The following TAFA1 variants were observed in gnomAD, a reference collection of about 807,000 sequenced individuals.
The protein encoded by TAFA1 is chemokine-like protein TAFA-1.
A neutral mutation model predicts 18.5 loss-of-function variants in TAFA1; 4 were observed. The observed-to-expected ratio is 0.22, with a 90% confidence interval of 0.11 to 0.49. The LOEUF (loss-of-function observed/expected upper bound fraction) is 0.49. Among genes scored for constraint, TAFA1 ranks in the 20% least tolerant of loss-of-function variants. The pLI is 0.98. For missense variants in TAFA1, 147 were observed against 169.0 expected, an observed-to-expected ratio of 0.87 and a Z score of 0.72; for synonymous variants, 56 against 55.2, an observed-to-expected ratio of 1.01 and a Z score of -0.06.
chr3:68,381,981 G>C (rs1023417470), intron 2 of TAFA1, among the ~76,000 whole-genome samples: 1 of 152,154 alleles, frequency 6.6e-6, no homozygotes, highest in Non-Finnish European at 1.5e-5. Flanking sequence ...TTAGCATGAA[G>C]GGTTGTTGAC....
intron 3 of TAFA1, among the ~76,000 whole-genome samples, chr3:68,427,648 C>G (rs965525725): frequency 6.6e-6 from 1 of 151,636 alleles, no homozygotes; most frequent in Non-Finnish European, 1.5e-5. Flanking sequence ...TTTTTGAAAA[C>G]CTACCACCCC....
intron 2 of TAFA1, among the ~76,000 whole-genome samples, chr3:68,045,874 C>T (rs1017779716): frequency 1.3e-5 from 2 of 152,116 alleles, no homozygotes; most frequent in Non-Finnish European, 2.9e-5. Context: ...ACACTTTGTA[C>T]TTTCGAAAAG....
intron 3 of TAFA1, among the ~76,000 whole-genome samples, chr3:68,468,757 G>T (rs1372155244): frequency 1.3e-5 from 2 of 152,118 alleles, no homozygotes; most frequent in South Asian, 2.1e-4. Context: ...TGAGATTTTT[G>T]AGATTTATGG....
intron 2 of TAFA1, among the ~76,000 whole-genome samples, chr3:68,035,422 C>T (rs925385067): frequency 6.6e-6 from 1 of 152,126 alleles, no homozygotes; most frequent in African/African-American, 2.4e-5. Flanking sequence ...TTTAGTATAT[C>T]ATTAATACTA....
chr3:68,177,487 T>C (rs72626933), intron 2 of TAFA1, among the ~76,000 whole-genome samples: 5,882 of 152,244 alleles, frequency 0.039, 386 homozygotes, highest in East Asian at 0.34. Flanking sequence ...CTGAGACTTC[T>C]AGCTGTAGTA....
intron 2 of TAFA1, among the ~76,000 whole-genome samples, chr3:68,080,524 C>T (rs941833096): frequency 1.1e-4 from 16 of 152,146 alleles, no homozygotes; most frequent in Non-Finnish European, 2.1e-4. Context: ...GACAAAATCT[C>T]TCAGCATTTG....
At chr3:68,530,658 C>T (rs2106772520) in intron 3 of TAFA1, among the ~76,000 whole-genome samples, 1 of 152,178 alleles carries the variant, frequency 6.6e-6, no homozygotes, top group East Asian at 1.9e-4. Flanking sequence ...GTCCTCGGAG[C>T]AGTTATGCAT....
chr3:68,114,895 T>C, intron 2 of TAFA1, among the ~76,000 whole-genome samples: 1 of 152,242 alleles, frequency 6.6e-6, no homozygotes, highest in East Asian at 1.9e-4. Flanking sequence ...AATTTTTCAC[T>C]CACATGGTGA....
Position 68,041,047 on chromosome 3 carries a change from A to G in TAFA1, c.118+34303A>G, listed in dbSNP as rs150319465. 1.7e-3 allele frequency among the ~76,000 whole-genome samples: 265 copies of G among 152,308 alleles called. 2 individuals are homozygous for G. The highest frequency in any genetic ancestry group is 6.2e-3 in the African/African-American group (259 of 41,570). ...TTAAGACAGTGCCTCTCTTCTGCCA[A>G]ACATCAAAGATTATTGCAAATGTAC... On this transcript the variant is annotated intron_variant, in intron 2 of 4. Transcript: ENST00000478136.
At chr3:68,121,068 A>G (rs1190817385) in intron 2 of TAFA1, among the ~76,000 whole-genome samples, 3 of 152,262 alleles carry the variant, frequency 2.0e-5, no homozygotes, top group Non-Finnish European at 2.9e-5. Flanking sequence ...GCTCATGTCC[A>G]TTACTGAGTC....
In TAFA1 at chr3:68,545,387, T is replaced by C. The variant is rs2073442707; in HGVS notation, c.*884T>C. The C allele has an allele frequency of 6.6e-6, 1 of 152,606 alleles. No homozygotes were observed. Among genetic ancestry groups the C allele is most frequent in the African/African-American group, 2.4e-5 (1 of 41,448 alleles). 9.5% of individuals were successfully genotyped at this position (152,606 alleles called of 1,614,324 possible). A position where few individuals can be genotyped will look rare whatever the true frequency, so the allele number is the denominator to read the frequency against. ...GTCTTAAGGCTTTGTATAGCTGTCC[T>C]AGACTGCAGAAATGTCCTCTGATTA... On this transcript the variant is annotated 3_prime_UTR_variant, in exon 5 of 5. Transcript: ENST00000478136.
chr3:68,452,329 C>A (rs1043680042), intron 3 of TAFA1, among the ~76,000 whole-genome samples: 1 of 151,910 alleles, frequency 6.6e-6, no homozygotes, highest in Non-Finnish European at 1.5e-5. Flanking sequence ...TCAAGACCAG[C>A]CTGACCAACA....
intron 2 of TAFA1, among the ~76,000 whole-genome samples, chr3:68,410,161 T>A (rs551947141): frequency 6.6e-6 from 1 of 152,180 alleles, no homozygotes; most frequent in Non-Finnish European, 1.5e-5. Context: ...TTAGAAACTT[T>A]CTTTTCCTGT....
intron 2 of TAFA1, among the ~76,000 whole-genome samples, chr3:68,413,031 A>T (rs1246518078): frequency 3.3e-5 from 5 of 152,090 alleles, no homozygotes; most frequent in African/African-American, 1.2e-4. Flanking sequence ...CATCCTCTCC[A>T]GCACCTGTTG....
intron 2 of TAFA1, among the ~76,000 whole-genome samples, chr3:68,014,602 A>G (rs1432619211): frequency 6.6e-6 from 1 of 152,216 alleles, no homozygotes; most frequent in East Asian, 1.9e-4. Flanking sequence ...CATGTGTTCC[A>G]TAAACAGTGA....
At chr3:68,327,113 C>G (rs2068788573) in intron 2 of TAFA1, among the ~76,000 whole-genome samples, 1 of 152,176 alleles carries the variant, frequency 6.6e-6, no homozygotes, top group Admixed American at 6.5e-5. Context: ...TGCACAAACT[C>G]TCATGCCTGC....
chr3:68,295,396 T>A (rs1018838208), intron 2 of TAFA1, among the ~76,000 whole-genome samples: 1 of 151,314 alleles, frequency 6.6e-6, no homozygotes, highest in East Asian at 2.1e-4. Flanking sequence ...GACTCTAAGT[T>A]CTAAGACCTA....
At chr3:68,204,902 T>G (rs2066508265) in intron 2 of TAFA1, among the ~76,000 whole-genome samples, 1 of 151,824 alleles carries the variant, frequency 6.6e-6, no homozygotes, top group African/African-American at 2.4e-5. Flanking sequence ...CTCCCAGATG[T>G]CCTATAAACC....
In TAFA1 at chr3:68,333,186, T is replaced by C. The variant is rs192375956; in HGVS notation, c.119-84094T>C. Among the ~76,000 whole-genome samples the C allele has an allele frequency of 6.4e-3, 979 of 152,280 alleles. 3 individuals are homozygous for C. The highest frequency in any genetic ancestry group is 0.011 in the Non-Finnish European group (718 of 68,010). On this transcript the variant is annotated intron_variant, in intron 2 of 4. Transcript: ENST00000478136. ...TAAAGGAATATAAATCATTCTGTCA[T>C]AAAAGCACATACATGTGTATGTTTT...
Sources: gnomAD v4.1 joint callset for allele counts (sites outside exome capture counted in the v4.1 genomes callset) on GRCh38, gnomAD v4.1.1 for gene constraint, MANE v1.5 for transcripts, NCBI Gene and HGNC (gene_info 2026-07-23, HGNC 2026-07-21) for gene names.